Variants in NPHP4 observed in about 807,000 individuals in gnomAD.
The protein encoded by NPHP4 is nephrocystin-4.
Under a neutral mutation model 155.8 loss-of-function variants are expected in NPHP4, and 151 were observed. The ratio of observed to expected loss-of-function variants is 0.97; its 90% confidence interval spans 0.85 to 1.11. The LOEUF (loss-of-function observed/expected upper bound fraction) is 1.11, where lower values mean the gene tolerates loss of function less well. NPHP4 is among the 50% of genes least tolerant of loss of function. The probability of loss-of-function intolerance (pLI) is 0.00; values close to 1 mark genes in which losing one functional copy is unlikely to be tolerated. For missense variants in NPHP4, 1,956 were observed against 1,925.7 expected (o/e 1.02, Z -0.29); for synonymous variants, 845 against 816.8 (o/e 1.03, Z -0.59).
intron 3 of NPHP4, among the ~76,000 whole-genome samples, 184 bp downstream of exon 3, chr1:5,978,086 C>A (rs1654009400): frequency 6.6e-6 from 1 of 151,746 alleles, no homozygotes; most frequent in Non-Finnish European, 1.5e-5. Flanking sequence ...CTGGCTTCCA[C>A]ATAAGATTTT....
At chr1:5,986,822 C>T (rs1655559309) in intron 1 of NPHP4, among the ~76,000 whole-genome samples, 1 of 152,086 alleles carries the variant, frequency 6.6e-6, no homozygotes, top group Admixed American at 6.5e-5. Flanking sequence ...CGGATGGGGA[C>T]ATGAAGGGAT....
rs575186980 is a variant in NPHP4 at position 5,915,831 on chromosome 1, G to A, written c.1442-6618C>T. On this transcript the variant is annotated intron_variant, in intron 11 of 29. Coordinates refer to ENST00000378156, the MANE Select transcript of NPHP4 (RefSeq NM_015102.5). ...CCACCTGCACACGAACTTCCATTCC[G>A]TGGTTGGAGGGTGGCCAAAAAGCTG... is the stretch of plus-strand genomic sequence containing the variant. Among the ~76,000 whole-genome samples the A allele has an allele frequency of 7.2e-5, 11 of 152,248 alleles. No homozygotes were observed. The South Asian group carries it at 1.2e-3, about 17-fold the overall frequency.
chr1:5,965,494 A>T (rs1312135943), intron 5 of NPHP4, among the ~76,000 whole-genome samples: 1 of 152,166 alleles, frequency 6.6e-6, no homozygotes. Context: ...TCAGTTGAAA[A>T]ATAACCTAAA....
At chr1:5,914,286 A>AAAAAAAAAG (rs70977991) in intron 11 of NPHP4, among the ~76,000 whole-genome samples, 6 of 139,928 alleles carry the variant, frequency 4.3e-5, no homozygotes, top group African/African-American at 1.8e-4. Flanking sequence ...AAAAAAAAAA[A>AAAAAAAAAG]GGCCTGGTGT....
intron 11 of NPHP4, among the ~76,000 whole-genome samples, chr1:5,918,767 G>T (rs1229659125): frequency 1.3e-5 from 2 of 152,164 alleles, no homozygotes; most frequent in Non-Finnish European, 2.9e-5. Context: ...TTTTTTAGAG[G>T]ATGTGTATCC....
intron 12 of NPHP4, among the ~76,000 whole-genome samples, chr1:5,908,116 G>T (rs992854092): frequency 6.6e-6 from 1 of 152,238 alleles, no homozygotes; most frequent in Non-Finnish European, 1.5e-5. Flanking sequence ...TGAATGGGGG[G>T]CGGGGTGCAT....
In NPHP4 at chr1:5,889,626, G is replaced by A. The variant is rs758270903; in HGVS notation, c.2304+1242C>T. Among the ~76,000 whole-genome samples, 11 of 152,226 alleles carry A rather than the reference G, an allele frequency of 7.2e-5. No homozygotes were observed. Among genetic ancestry groups the A allele is most frequent in the African/African-American group, 1.2e-4 (5 of 41,550 alleles). ...CTCCCACACCGCCTGCCTCCTTTAC[G>A]CCTCCCCACCATGCAGAGCCTGCTG... On this transcript the variant is annotated intron_variant, in intron 17 of 29. Transcript: ENST00000378156. The surrounding 1 kb of genome is among the most constrained non-coding windows in gnomAD (Gnocchi z 4.2).
At chr1:5,976,602 G>C (rs911471710) in intron 3 of NPHP4, among the ~76,000 whole-genome samples, 1 of 152,228 alleles carries the variant, frequency 6.6e-6, no homozygotes. Flanking sequence ...AACCTTTCCT[G>C]ACACGGCTGG....
At chr1:5,952,903 GTCC>G (rs2102006033) in intron 6 of NPHP4, 67 bp from the exon 7 acceptor site, 1 of 1,465,262 alleles carries the variant, frequency 6.8e-7, no homozygotes, top group Admixed American at 2.1e-5. Context: ...GCCACCGAGG[GTCC>G]CTACCCACCC....
At chr1:5,916,398 A>T (rs1311760405) in intron 11 of NPHP4, among the ~76,000 whole-genome samples, 1 of 152,222 alleles carries the variant, frequency 6.6e-6, no homozygotes, top group Non-Finnish European at 1.5e-5. Flanking sequence ...GGGTATTTAA[A>T]AGTCTCTTAC....
At chr1:5,959,730 C>T (rs1222211102) in intron 6 of NPHP4, among the ~76,000 whole-genome samples, 1 of 152,030 alleles carries the variant, frequency 6.6e-6, no homozygotes, top group South Asian at 2.1e-4. Flanking sequence ...CAGTATCCAC[C>T]AGGTGACATC....
intron 3 of NPHP4, among the ~76,000 whole-genome samples, chr1:5,971,475 C>A (rs1226308644): frequency 6.6e-6 from 1 of 152,182 alleles, no homozygotes; most frequent in Non-Finnish European, 1.5e-5. Context: ...CAGCCCCAAG[C>A]TAAAGAATTT....
intron 17 of NPHP4, chr1:5,888,752 T>C: frequency 4.0e-6 from 2 of 497,462 alleles, no homozygotes; most frequent in Non-Finnish European, 6.7e-6. Context: ...GCTGACACAC[T>C]GTGAAGCCAA....
chr1:5,935,115 T>C (rs1646471949), intron 9 of NPHP4, among the ~76,000 whole-genome samples: 1 of 152,138 alleles, frequency 6.6e-6, no homozygotes, highest in Non-Finnish European at 1.5e-5. Context: ...AAGAAAACAG[T>C]TCTTGTTTCT....
intron 19 of NPHP4, among the ~76,000 whole-genome samples, chr1:5,878,582 T>C (rs1047885714): frequency 6.6e-6 from 1 of 152,334 alleles, no homozygotes; most frequent in East Asian, 1.9e-4. Flanking sequence ...CTTCTTAAAA[T>C]TTCGTGCAAC....
chr1:5,947,071 A>C (rs774637920), intron 9 of NPHP4, 33 bp downstream of exon 9: 1 of 1,613,274 alleles, frequency 6.2e-7, no homozygotes, highest in South Asian at 1.1e-5. Flanking sequence ...GTTCACCACC[A>C]GAGGAAACCG....
chr1:5,986,413 A>C, intron 1 of NPHP4, 86 bp from the exon 2 acceptor site: 2 of 1,091,074 alleles, frequency 1.8e-6, no homozygotes, highest in East Asian at 2.7e-5. Context: ...CTCCCACTAA[A>C]TCCCAGAGGA....
chr1:5,907,785 C>T (rs1271413890), intron 12 of NPHP4, among the ~76,000 whole-genome samples: 3 of 152,186 alleles, frequency 2.0e-5, no homozygotes, highest in South Asian at 2.1e-4. Flanking sequence ...AGTCTCCTCA[C>T]CTGTAAAATG....
intron 9 of NPHP4, among the ~76,000 whole-genome samples, chr1:5,946,296 A>T (rs1295592492): frequency 2.6e-5 from 4 of 152,206 alleles, no homozygotes; most frequent in Admixed American, 6.5e-5. Flanking sequence ...AATGATGTCC[A>T]CATATTTTAT....
Sources: gnomAD v4.1 joint callset for allele counts (sites outside exome capture counted in the v4.1 genomes callset) on GRCh38, gnomAD v4.1.1 for gene constraint, Gnocchi (gnomAD v3.1) non-coding constraint, MANE v1.5 for transcripts, NCBI Gene and HGNC (gene_info 2026-07-23, HGNC 2026-07-21) for gene names.